PBX1: variants seen among roughly 807,000 people sequenced by gnomAD.
PBX1 encodes the protein PBX homeobox 1.
Under a neutral mutation model 53.4 loss-of-function variants are expected in PBX1, and 6 were observed. The ratio of observed to expected loss-of-function variants is 0.11; its 90% CI spans 0.06 to 0.22. PBX1 has a LOEUF of 0.22. Among genes scored for constraint, PBX1 ranks in the 10% least tolerant of loss-of-function variants. The pLI is 1.00. For missense variants in PBX1, 251 were observed against 551.4 expected, an observed-to-expected ratio of 0.46 and a Z score of 5.46; for synonymous variants, 204 against 212.3, an observed-to-expected ratio of 0.96 and a Z score of 0.34.
intron 2 of PBX1, among the ~76,000 whole-genome samples, chr1:164,655,843 T>C (rs963393318): frequency 6.6e-5 from 10 of 152,202 alleles, no homozygotes; most frequent in African/African-American, 2.4e-4. Flanking sequence ...ACTATGATTG[T>C]CATAGTCTAA....
chr1:164,561,301 CAT>C (rs1261422992), intron 1 of PBX1, among the ~76,000 whole-genome samples: 1 of 152,176 alleles, frequency 6.6e-6, no homozygotes, highest in East Asian at 1.9e-4. Flanking sequence ...CAGTTAAAAA[CAT>C]AGATGTTATG....
chr1:164,875,100 G>A (rs921654048), intron 2 of PBX1, among the ~76,000 whole-genome samples: 2 of 152,100 alleles, frequency 1.3e-5, no homozygotes, highest in African/African-American at 2.4e-5. Context: ...GCAGTCCAGA[G>A]ACACTTGCCT....
intron 2 of PBX1, chr1:164,626,016 C>CCT: frequency 9.6e-7 from 1 of 1,042,196 alleles, no homozygotes; most frequent in East Asian, 5.6e-5. Flanking sequence ...AGAGTACTCT[C>CCT]CTCTGCTTCT....
intron 8 of PBX1, among the ~76,000 whole-genome samples, chr1:164,844,776 T>C (rs1398359055): frequency 2.0e-5 from 3 of 152,224 alleles, no homozygotes; most frequent in Non-Finnish European, 4.4e-5. Flanking sequence ...CATTAGGAAT[T>C]TGAATGAATT....
rs577417431 is a variant in PBX1, at chr1:164,743,663, G to A, written c.266-48831G>A. On this transcript the variant is annotated intron_variant, in intron 2 of 8. Coordinates refer to ENST00000420696, the MANE Select transcript of PBX1 (RefSeq NM_002585.4). Reference sequence around the variant, plus strand: ...CACATTAAAATAAAATTAAAAAATGGTGGCTTAAACAAAGTCATGGAATAG... The same window carrying A: ...CACATTAAAATAAAATTAAAAAATGATGGCTTAAACAAAGTCATGGAATAG... Among the ~76,000 whole-genome samples the A allele has an allele frequency of 2.6e-5, 4 of 152,124 alleles. No homozygotes were observed. In the East Asian group the frequency reaches 5.8e-4, roughly 22 times the overall value.
intron 2 of PBX1, among the ~76,000 whole-genome samples, chr1:164,709,722 T>C (rs1663644244): frequency 6.6e-6 from 1 of 152,112 alleles, no homozygotes; most frequent in Non-Finnish European, 1.5e-5. Flanking sequence ...AAAAAAAGAA[T>C]TAAAACAAAA....
intron 2 of PBX1, among the ~76,000 whole-genome samples, chr1:164,635,249 C>T (rs1285560480): frequency 6.6e-6 from 1 of 152,104 alleles, no homozygotes; most frequent in Non-Finnish European, 1.5e-5. Context: ...CTCTCAGTCC[C>T]CTGCTCCCCT....
At chr1:164,626,193 G>C (rs1034514789) in intron 2 of PBX1, 8 of 755,328 alleles carry the variant, frequency 1.1e-5, no homozygotes, top group Middle Eastern at 6.1e-4. Flanking sequence ...CATGACATGG[G>C]CTGCTGTTGA....
chr1:164,820,212 G>A (rs369253268), intron 7 of PBX1, 28 bp downstream of exon 7: 12 of 1,256,072 alleles, frequency 9.6e-6, no homozygotes, highest in African/African-American at 8.8e-5. Flanking sequence ...ATGTCACCAG[G>A]TGAATGCCTT....
At chr1:164,701,183 G>C (rs1663100875) in intron 2 of PBX1, among the ~76,000 whole-genome samples, 1 of 152,160 alleles carries the variant, frequency 6.6e-6, no homozygotes, top group African/African-American at 2.4e-5. Flanking sequence ...AAGATATGTA[G>C]AAAGCAGAGT....
At position 164,848,602 on chromosome 1, in the gene PBX1, T is replaced by A; in HGVS notation, c.*1926T>A. 9.5e-7 allele frequency: 1 copy of A among 1,057,894 alleles called. No homozygotes were observed. Among genetic ancestry groups the A allele is most frequent in the Non-Finnish European group, 1.1e-6 (1 of 874,728 alleles). 65.5% of individuals were successfully genotyped at this position (1,057,894 alleles called of 1,614,324 possible). A position where few individuals can be genotyped will look rare whatever the true frequency, so the allele number is the denominator to read the frequency against. On this transcript the variant is annotated 3_prime_UTR_variant, in exon 9 of 9. Transcript: ENST00000420696. ...TTATTGTTGATCTTCTTGGTTTTGGTCTGTCTCTTTTCTTAGGATAAAGAA... is the reference window on the plus strand; with the variant it reads ...TTATTGTTGATCTTCTTGGTTTTGGACTGTCTCTTTTCTTAGGATAAAGAA...
At chr1:164,585,119 A>G (rs1456845257) in intron 2 of PBX1, among the ~76,000 whole-genome samples, 1 of 152,220 alleles carries the variant, frequency 6.6e-6, no homozygotes, top group Non-Finnish European at 1.5e-5. Context: ...AGGCAAGGGA[A>G]AGAATGGAAT....
At chr1:164,666,024 T>G (rs1660784233) in intron 2 of PBX1, among the ~76,000 whole-genome samples, 1 of 152,168 alleles carries the variant, frequency 6.6e-6, no homozygotes. Context: ...CCATAAAATT[T>G]TCGGTATGGG....
intron 2 of PBX1, among the ~76,000 whole-genome samples, chr1:164,687,561 T>A (rs887057310): frequency 2.7e-5 from 3 of 110,488 alleles, no homozygotes; most frequent in African/African-American, 3.5e-5. Flanking sequence ...AGACCTTGTC[T>A]AAAAAAAAAA....
At chr1:164,832,908 A>T (rs750961702) in intron 8 of PBX1, among the ~76,000 whole-genome samples, 1 of 152,152 alleles carries the variant, frequency 6.6e-6, no homozygotes, top group Non-Finnish European at 1.5e-5. Flanking sequence ...ACTTACAAAG[A>T]TTAAAAAACA....
intron 2 of PBX1, chr1:164,770,077 G>C (rs1308063889): frequency 6.6e-6 from 1 of 152,208 alleles, no homozygotes; most frequent in East Asian, 1.9e-4. Context: ...AGCTTGATGT[G>C]TGGGTCAGCA....
At chr1:164,854,831 G>A (rs959462962), downstream of PBX1, among the ~76,000 whole-genome samples, 2 of 151,834 alleles carry the variant, frequency 1.3e-5, no homozygotes, top group Non-Finnish European at 2.9e-5. Context: ...AGATCAAAAC[G>A]GTGCATTCAT....
chr1:164,628,977 C>T (rs1396155325), intron 2 of PBX1, among the ~76,000 whole-genome samples: 2 of 152,108 alleles, frequency 1.3e-5, no homozygotes, highest in East Asian at 1.9e-4. Flanking sequence ...ACAGTTCCAT[C>T]GTTTCTTAGG....
chr1:164,719,520 C>T (rs192163036), intron 2 of PBX1, among the ~76,000 whole-genome samples: 1 of 152,030 alleles, frequency 6.6e-6, no homozygotes, highest in Non-Finnish European at 1.5e-5. Flanking sequence ...ATTATAATTA[C>T]CTGGGGGCCT....
Sources: allele counts gnomAD v4.1 joint callset (sites outside exome capture counted in the v4.1 genomes callset), GRCh38; gene constraint gnomAD v4.1.1; transcripts MANE v1.5; gene names NCBI Gene and HGNC (gene_info 2026-07-23, HGNC 2026-07-21).